The following ULK4 variants were observed in gnomAD, a reference collection of about 807,000 sequenced individuals.
ULK4 encodes the protein unc-51 like kinase 4.
Under a neutral mutation model 160.6 loss-of-function variants are expected in ULK4, and 133 were observed. The observed-to-expected ratio is 0.83, with a 90% CI of 0.72 to 0.96. The LOEUF is 0.96. Among genes scored for constraint, ULK4 ranks in the 40% least tolerant of loss-of-function variants. ULK4 has a pLI of 0.00. For synonymous variants in ULK4, 534 were observed against 539.8 expected, an observed-to-expected ratio of 0.99 and a Z score of 0.15; for missense variants, 1,580 against 1,499.5, an observed-to-expected ratio of 1.05 and a Z score of -0.89.
At chr3:41,728,793 ACATTT>A (rs952946034) in intron 22 of ULK4, among the ~76,000 whole-genome samples, 4 of 152,184 alleles carry the variant, frequency 2.6e-5, no homozygotes, top group African/African-American at 9.7e-5. Flanking sequence ...ATTCAGACAA[ACATTT>A]CTATTATAAA....
At chr3:41,267,394 T>G (rs956379360) in intron 35 of ULK4, among the ~76,000 whole-genome samples, 4 of 152,194 alleles carry the variant, frequency 2.6e-5, no homozygotes, top group African/African-American at 9.7e-5. Context: ...GTACCACATT[T>G]TCTTTATCCG....
In ULK4 at chr3:41,253,506, CAA is replaced by C. The variant is rs147625176; in HGVS notation, c.3679-3934_3679-3933del. ...AGAGCAACCACTTAAAAAAATTATA[CAA>C]AGAGATGTAATTTAAAAAAAAACCC... On this transcript the variant is annotated intron_variant, in intron 35 of 36. Transcript: ENST00000301831. Among the ~76,000 whole-genome samples, 23 of 149,656 alleles carry C rather than the reference CAA, an allele frequency of 1.5e-4. No homozygotes were observed. The East Asian group carries it at 3.2e-3, about 21-fold the overall frequency.
intron 13 of ULK4, among the ~76,000 whole-genome samples, chr3:41,898,838 C>T (rs967235977): frequency 2.0e-5 from 3 of 152,182 alleles, no homozygotes; most frequent in African/African-American, 7.2e-5. Flanking sequence ...ATGCCAAGTG[C>T]TAATGGGGAT....
chr3:41,937,199 C>T (rs1396637071), intron 3 of ULK4: 11 of 484,208 alleles, frequency 2.3e-5, no homozygotes, highest in Admixed American at 3.6e-5. Flanking sequence ...CAGTTACAAA[C>T]GTAGGCATGT....
At chr3:41,655,402 A>G (rs1029616220) in intron 30 of ULK4, among the ~76,000 whole-genome samples, 2 of 150,700 alleles carry the variant, frequency 1.3e-5, no homozygotes, top group African/African-American at 2.4e-5. Flanking sequence ...GGGGAGGGAT[A>G]GCATTAGGAG....
At chr3:41,790,793 T>C (rs922030313) in intron 20 of ULK4, among the ~76,000 whole-genome samples, 1 of 152,126 alleles carries the variant, frequency 6.6e-6, no homozygotes, top group Non-Finnish European at 1.5e-5. Context: ...AGCTAGGAAC[T>C]TAAAATTTTA....
intron 19 of ULK4, among the ~76,000 whole-genome samples, chr3:41,815,536 A>G (rs1299704718): frequency 6.6e-6 from 1 of 152,182 alleles, no homozygotes; most frequent in Non-Finnish European, 1.5e-5. Context: ...CTTGAAGGCA[A>G]TACTCTGTAA....
intron 32 of ULK4, among the ~76,000 whole-genome samples, chr3:41,510,171 G>A (rs1472871079): frequency 6.6e-6 from 1 of 152,042 alleles, no homozygotes; most frequent in African/African-American, 2.4e-5. Context: ...AAAGTGAACA[G>A]GAATAGCTAT....
In ULK4 at chr3:41,377,253, T is replaced by C. The variant is rs929179579; in HGVS notation, c.3678+20826A>G. Reference sequence around the variant, plus strand: ...ATGGATTAAAGACTTACACGTTAGATCTAAAACCATAAAAACCCTAGAAGA... The same window carrying C: ...ATGGATTAAAGACTTACACGTTAGACCTAAAACCATAAAAACCCTAGAAGA... On this transcript the variant is annotated intron_variant, in intron 35 of 36. Coordinates refer to ENST00000301831, the MANE Select transcript of ULK4 (RefSeq NM_017886.4). 5.3e-5 allele frequency among the ~76,000 whole-genome samples: 8 copies of C among 152,158 alleles called. No homozygotes were observed. In the South Asian group the frequency reaches 1.0e-3, roughly 20 times the overall value.
intron 31 of ULK4, among the ~76,000 whole-genome samples, chr3:41,579,511 T>G (rs1225592596): frequency 3.9e-5 from 2 of 51,738 alleles, no homozygotes; most frequent in Non-Finnish European, 8.4e-5. Context: ...TTTTTTTTTT[T>G]GAGACGGAGT....
intron 27 of ULK4, among the ~76,000 whole-genome samples, chr3:41,698,003 TG>T (rs1435623833): frequency 1.3e-5 from 2 of 152,204 alleles, no homozygotes; most frequent in Non-Finnish European, 2.9e-5. Context: ...CATCTTTTAT[TG>T]GTATACTCAC....
At chr3:41,311,855 C>A (rs111636786) in intron 35 of ULK4, among the ~76,000 whole-genome samples, 22,509 of 148,430 alleles carry the variant, frequency 0.15, 2,004 homozygotes, top group African/African-American at 0.24. Context: ...GCATGAACCA[C>A]TGCACCCGGC....
intron 35 of ULK4, among the ~76,000 whole-genome samples, chr3:41,394,740 C>T (rs2082021676): frequency 6.6e-6 from 1 of 152,082 alleles, no homozygotes; most frequent in African/African-American, 2.4e-5. Context: ...TCAGGATGGG[C>T]AAGTTCAAGA....
Position 41,516,059 on chromosome 3 carries a change from T to C in ULK4, c.3226+49966A>G, listed in dbSNP as rs920707120. 1.4e-5 allele frequency among the ~76,000 whole-genome samples: 2 copies of C among 147,168 alleles called. 1 individual carries two copies. Among genetic ancestry groups the C allele is most frequent in the Admixed American group, 1.4e-4 (2 of 14,208 alleles). On this transcript the variant is annotated intron_variant, in intron 32 of 36. Transcript: ENST00000301831. ...AAATTAATGCACTGTATTGCATGCATGTTAAACCTCAATAAAAAGTAAATA... is the reference window on the plus strand; with the variant it reads ...AAATTAATGCACTGTATTGCATGCACGTTAAACCTCAATAAAAAGTAAATA...
chr3:41,651,482 T>A (rs2034739701), intron 30 of ULK4, among the ~76,000 whole-genome samples: 1 of 152,200 alleles, frequency 6.6e-6, no homozygotes, highest in African/African-American at 2.4e-5. Context: ...CATCCAATCA[T>A]AAGCTCCATC....
chr3:41,419,451 A>T (rs1469601845), intron 34 of ULK4, among the ~76,000 whole-genome samples: 1 of 152,184 alleles, frequency 6.6e-6, no homozygotes, highest in Non-Finnish European at 1.5e-5. Flanking sequence ...AATGGAGTTC[A>T]GGGGACAGGT....
At chr3:41,369,263 G>A (rs1227144564) in intron 35 of ULK4, among the ~76,000 whole-genome samples, 2 of 152,146 alleles carry the variant, frequency 1.3e-5, no homozygotes, top group African/African-American at 4.8e-5. Flanking sequence ...GGGAGGCCGA[G>A]GCAGGCAGCT....
intron 35 of ULK4, among the ~76,000 whole-genome samples, chr3:41,324,999 C>A (rs1031030720): frequency 1.6e-4 from 25 of 151,974 alleles, no homozygotes; most frequent in African/African-American, 5.1e-4. Context: ...GGTAACTACC[C>A]AGCCAAATGA....
chr3:41,922,899 C>T (rs527747024), intron 5 of ULK4, among the ~76,000 whole-genome samples: 8 of 152,212 alleles, frequency 5.3e-5, no homozygotes, highest in South Asian at 2.1e-4. Context: ...AGGCCAGGTG[C>T]GGTGCCTCAC....
Sources: allele counts gnomAD v4.1 joint callset (sites outside exome capture counted in the v4.1 genomes callset), GRCh38; gene constraint gnomAD v4.1.1; transcripts MANE v1.5; gene names NCBI Gene and HGNC (gene_info 2026-07-23, HGNC 2026-07-21).